WDR72: variants seen among roughly 807,000 people sequenced by gnomAD.
The protein encoded by WDR72 is WD repeat domain 72, also known as WD repeat-containing protein 72.
In WDR72, 120 loss-of-function variants were observed where a neutral mutation model predicts 124.2. That is an observed-to-expected ratio of 0.97 (90% CI 0.83 to 1.12). WDR72 has a LOEUF of 1.12. Ranked by LOEUF, WDR72 falls within the 50% of genes most tolerant of loss-of-function variation. The pLI is 0.00. For missense variants in WDR72, 1,387 were observed against 1,278.8 expected (o/e 1.08, Z -1.29); for synonymous variants, 452 against 441.7 (o/e 1.02, Z -0.29).
Position 53,699,772 on chromosome 15 carries a change from A to G in WDR72, c.1743T>C (p.Val581=). Residue 581 remains valine, a synonymous_variant, in exon 13 of 20, where the codon GTT becomes GTC. Coordinates refer to ENST00000360509, the MANE Select transcript of WDR72 (RefSeq NM_182758.4). ...FLIVGCADDS[V]YIWEIETGTL... is the part of the protein sequence containing the mutation. ...TACCTGTTTCAATTTCCCAGATATA[A>G]ACTGAGTCATCTGCACATCCAACAA... 1 of 1,614,198 alleles carries G rather than the reference A, an allele frequency of 6.2e-7. No individual in the cohort carries two copies. Among genetic ancestry groups the G allele is most frequent in the Non-Finnish European group, 8.5e-7 (1 of 1,180,016 alleles).
intron 14 of WDR72, among the ~76,000 whole-genome samples, chr15:53,658,755 A>G (rs2015512430): frequency 6.6e-6 from 1 of 152,226 alleles, no homozygotes; most frequent in Non-Finnish European, 1.5e-5. Context: ...GTTTGGAAAT[A>G]ATATCTGAAA....
intron 18 of WDR72, among the ~76,000 whole-genome samples, chr15:53,589,271 A>G (rs1335839141): frequency 6.6e-6 from 1 of 151,590 alleles, no homozygotes; most frequent in Non-Finnish European, 1.5e-5. Context: ...TGACTCTCAG[A>G]TAACACGAAT....
At chr15:53,619,869 T>C (rs2013919632) in intron 14 of WDR72, among the ~76,000 whole-genome samples, 1 of 152,090 alleles carries the variant, frequency 6.6e-6, no homozygotes, top group Admixed American at 6.6e-5. Context: ...TTAAAATAGC[T>C]TACTCTTTAT....
At chr15:53,666,801 G>T (rs1400913292) in intron 13 of WDR72, among the ~76,000 whole-genome samples, 1 of 152,062 alleles carries the variant, frequency 6.6e-6, no homozygotes, top group Non-Finnish European at 1.5e-5. Context: ...TACATTTGAA[G>T]ATTATGACTA....
intron 1 of WDR72, among the ~76,000 whole-genome samples, chr15:53,753,015 G>A (rs1415700761): frequency 2.0e-5 from 3 of 152,118 alleles, no homozygotes; most frequent in African/African-American, 4.8e-5. Context: ...AAGAACCAAC[G>A]TAAAGTAGGT....
At chr15:53,722,505 G>C (rs548228159) in intron 3 of WDR72, among the ~76,000 whole-genome samples, 155 of 152,292 alleles carry the variant, frequency 1.0e-3, no homozygotes, top group African/African-American at 3.6e-3. Context: ...TACAATACTA[G>C]GCATTGGTCA....
At chr15:53,753,457 G>A (rs554734526) in intron 1 of WDR72, among the ~76,000 whole-genome samples, 150 of 152,326 alleles carry the variant, frequency 9.8e-4, no homozygotes, top group African/African-American at 3.5e-3. Flanking sequence ...ACTTTCATCA[G>A]CAAGGCTATG....
chr15:53,590,438 A>G (rs1334932907), intron 18 of WDR72, among the ~76,000 whole-genome samples: 2 of 152,064 alleles, frequency 1.3e-5, no homozygotes, highest in African/African-American at 4.8e-5. Flanking sequence ...GAGACTGCAT[A>G]TCCAATATCT....
intron 1 of WDR72, among the ~76,000 whole-genome samples, chr15:53,742,404 C>A (rs544603364): frequency 6.6e-6 from 1 of 152,228 alleles, no homozygotes; most frequent in South Asian, 2.1e-4. Context: ...TGTGTCTAGA[C>A]AAGTTTTAAA....
At chr15:53,576,923 G>A (rs1443287476) in intron 18 of WDR72, among the ~76,000 whole-genome samples, 1 of 152,138 alleles carries the variant, frequency 6.6e-6, no homozygotes, top group African/African-American at 2.4e-5. Flanking sequence ...GTGGTTGTTT[G>A]TTTGGTTTGT....
At chr15:53,681,587 G>A (rs2016386202) in intron 13 of WDR72, among the ~76,000 whole-genome samples, 1 of 152,156 alleles carries the variant, frequency 6.6e-6, no homozygotes, top group Non-Finnish European at 1.5e-5. Context: ...GAAAACCCAG[G>A]AAGATAGCAA....
chr15:53,528,467 T>G (rs1198060141), intron 18 of WDR72, among the ~76,000 whole-genome samples: 1 of 152,110 alleles, frequency 6.6e-6, no homozygotes, highest in Non-Finnish European at 1.5e-5. Flanking sequence ...GAGTTAAGGT[T>G]AGACTTATGT....
At chr15:53,606,594 A>T (rs2013293068) in intron 17 of WDR72, among the ~76,000 whole-genome samples, 1 of 152,198 alleles carries the variant, frequency 6.6e-6, no homozygotes, top group African/African-American at 2.4e-5. Flanking sequence ...CACAGCAAAA[A>T]AACTAGGTAA....
At chr15:53,726,264 G>GTATA (rs34367324) in intron 2 of WDR72, among the ~76,000 whole-genome samples, 29,239 of 110,056 alleles carry the variant, frequency 0.27, 4,406 homozygotes, top group East Asian at 0.43. Flanking sequence ...ATGTATGTGT[G>GTATA]TATATATATA....
chr15:53,587,052 T>G (rs1034528529), intron 18 of WDR72, among the ~76,000 whole-genome samples: 4 of 151,992 alleles, frequency 2.6e-5, no homozygotes, highest in African/African-American at 7.2e-5. Flanking sequence ...TCTCAATGAT[T>G]GTAGAGACAC....
rs1289081495 is a variant in WDR72, at chr15:53,714,414, A to G, written c.591+20T>C. 1 of 1,601,628 alleles carries G rather than the reference A, an allele frequency of 6.2e-7. No homozygotes were observed. On this transcript the variant is annotated intron_variant, in intron 6 of 19. Coordinates refer to ENST00000360509, the MANE Select transcript of WDR72 (RefSeq NM_182758.4). The stretch of plus-strand genomic sequence containing the variant: ...ATGCTTGAAATTGTAAGGAAAAAAG[A>G]GTAGGGTTCCCAAGCCAACCTGAAT...
chr15:53,730,039 G>A (rs976213545), intron 2 of WDR72, among the ~76,000 whole-genome samples: 1 of 152,164 alleles, frequency 6.6e-6, no homozygotes, highest in African/African-American at 2.4e-5. Context: ...AGAGTTGAAA[G>A]CAAGGATACA....
intron 13 of WDR72, among the ~76,000 whole-genome samples, chr15:53,695,326 T>C (rs2016969920): frequency 1.3e-5 from 2 of 152,210 alleles, no homozygotes; most frequent in African/African-American, 4.8e-5. Flanking sequence ...TTATTTTAAA[T>C]TCAATTCTTA....
At chr15:53,548,100 C>T (rs1296715908) in intron 18 of WDR72, among the ~76,000 whole-genome samples, 1 of 152,172 alleles carries the variant, frequency 6.6e-6, no homozygotes, top group Non-Finnish European at 1.5e-5. Context: ...TGAAAAATAA[C>T]CAGTATAAAA....
Sources: allele counts gnomAD v4.1 joint callset (sites outside exome capture counted in the v4.1 genomes callset), GRCh38; gene constraint gnomAD v4.1.1; transcripts MANE v1.5; gene names NCBI Gene and HGNC (gene_info 2026-07-23, HGNC 2026-07-21).